Variants in EDA observed in about 807,000 individuals in gnomAD.
The protein encoded by EDA is ectodysplasin A, also known as ectodysplasin-A.
EDA carries 2 observed loss-of-function variants against 23.6 expected under a neutral mutation model. The ratio of observed to expected loss-of-function variants is 0.08; its 90% CI spans 0.03 to 0.27. The LOEUF is 0.27. EDA is among the 10% of genes least tolerant of loss of function. EDA has a pLI of 1.00. For synonymous variants in EDA, 131 were observed against 132.0 expected (o/e 0.99, Z 0.05); for missense variants, 229 against 324.2 (o/e 0.71, Z 2.26).
intron 1 of EDA, among the ~76,000 whole-genome samples, chrX:69,629,583 G>T (rs1255256212): frequency 9.0e-6 from 1 of 111,608 alleles, no homozygotes; most frequent in East Asian, 2.8e-4. Context: ...TGATTGTGAG[G>T]ATTATCATGC....
chrX:69,630,953 A>C (rs1025903175), intron 1 of EDA, among the ~76,000 whole-genome samples: 1 of 111,698 alleles, frequency 9.0e-6, no homozygotes, highest in Non-Finnish European at 1.9e-5. Flanking sequence ...CTTCTAGTTA[A>C]GTTGGTTCAC....
rs1025858080 is a variant in EDA at position 70,036,683 on chromosome X, C to T, written c.*1074C>T. 2 of 112,961 alleles carry T rather than the reference C, an allele frequency of 1.8e-5. No individual in the cohort carries two copies. Among genetic ancestry groups the T allele is most frequent in the African/African-American group, 6.4e-5 (2 of 31,118 alleles). The allele number at this position is 112,961 out of a possible 1,213,427, so 9.3% of individuals were successfully genotyped here. On this transcript the variant is annotated 3_prime_UTR_variant, in exon 8 of 8. Transcript: ENST00000374552. ...GACTCTTAGCCCTCACCACAGCCTTCTAAATTCCCAAATCCTAGACTGCTC... is the reference window on the plus strand; with the variant it reads ...GACTCTTAGCCCTCACCACAGCCTTTTAAATTCCCAAATCCTAGACTGCTC...
chrX:69,907,420 A>C (rs765423715), intron 1 of EDA, among the ~76,000 whole-genome samples: 2 of 111,147 alleles, frequency 1.8e-5, no homozygotes, highest in Non-Finnish European at 3.8e-5. Context: ...TTGAATCCCC[A>C]CCCAAAGGGC....
At chrX:69,714,889 A>G (rs769122259) in intron 1 of EDA, among the ~76,000 whole-genome samples, 11 of 109,963 alleles carry the variant, frequency 1.0e-4, no homozygotes, top group African/African-American at 2.6e-4. Flanking sequence ...GCCTTTCCAT[A>G]TAACTTAAAA....
intron 1 of EDA, among the ~76,000 whole-genome samples, chrX:69,645,616 G>C (rs6525321): frequency 1.8e-5 from 1 of 56,479 alleles, no homozygotes; most frequent in East Asian, 2.3e-3. Context: ...ATATATATAT[G>C]TGTGTGTATA....
intron 1 of EDA, among the ~76,000 whole-genome samples, chrX:69,671,802 G>C (rs1270628829): frequency 8.9e-6 from 1 of 112,100 alleles, no homozygotes; most frequent in Non-Finnish European, 1.9e-5. Flanking sequence ...TTGTTTTTAT[G>C]TGTGTGTGGT....
chrX:69,994,531 G>A (rs1341816090), intron 2 of EDA, among the ~76,000 whole-genome samples: 1 of 111,971 alleles, frequency 8.9e-6, no homozygotes, highest in Non-Finnish European at 1.9e-5. Context: ...TTTATTAATA[G>A]ATCTGAGTTG....
intron 2 of EDA, among the ~76,000 whole-genome samples, chrX:69,967,018 A>C (rs763516956): frequency 1.3e-4 from 14 of 110,071 alleles, no homozygotes; most frequent in Non-Finnish European, 2.1e-4. Flanking sequence ...GGGAAAGGGA[A>C]GCATCAGTGA....
intron 1 of EDA, among the ~76,000 whole-genome samples, chrX:69,806,323 G>C (rs190457665): frequency 8.9e-4 from 99 of 110,998 alleles, no homozygotes; most frequent in Non-Finnish European, 1.4e-3. Context: ...CTATGTTAGG[G>C]CATGCCTGTG....
chrX:69,736,024 A>T (rs1440541399), intron 1 of EDA, among the ~76,000 whole-genome samples: 1 of 107,602 alleles, frequency 9.3e-6, no homozygotes, highest in Non-Finnish European at 1.9e-5. Context: ...AAAAAAAAAT[A>T]GGCTGGGCGT....
intron 1 of EDA, among the ~76,000 whole-genome samples, chrX:69,853,908 C>A (rs755656420): frequency 1.8e-5 from 2 of 111,685 alleles, no homozygotes; most frequent in African/African-American, 6.5e-5. Flanking sequence ...AAAAACAATT[C>A]TTAGCTCAAG....
chrX:69,767,170 A>T (rs1163403886), intron 1 of EDA, among the ~76,000 whole-genome samples: 1 of 111,839 alleles, frequency 8.9e-6, no homozygotes, highest in Non-Finnish European at 1.9e-5. Flanking sequence ...TAACATAATT[A>T]CTAGTAACAT....
intron 2 of EDA, among the ~76,000 whole-genome samples, chrX:69,984,071 A>G (rs1200433970): frequency 5.4e-4 from 46 of 84,440 alleles, no homozygotes; most frequent in African/African-American, 2.1e-3. Flanking sequence ...TTTGAAACCA[A>G]CGAGAACAAA....
At chrX:69,696,974 A>C (rs1433312362) in intron 1 of EDA, among the ~76,000 whole-genome samples, 2 of 112,168 alleles carry the variant, frequency 1.8e-5, no homozygotes, top group Non-Finnish European at 3.8e-5. Flanking sequence ...GTTATCTGCG[A>C]TCAATTGCAG....
chrX:69,690,115 AACAG>A (rs746835835), intron 1 of EDA, among the ~76,000 whole-genome samples: 18 of 110,851 alleles, frequency 1.6e-4, no homozygotes, highest in African/African-American at 3.9e-4. Flanking sequence ...GTTATCTGCA[AACAG>A]AGAGAGTTTT....
intron 1 of EDA, among the ~76,000 whole-genome samples, chrX:69,799,295 T>A (rs777528677): frequency 4.5e-5 from 5 of 111,482 alleles, no homozygotes; most frequent in African/African-American, 9.8e-5. Context: ...TTTTGAGTAA[T>A]GTCCCAGAAG....
rs1268670472 is a variant in EDA, at chrX:69,837,839, G to C, written c.397-119188G>C. ...CAGAGCTGCATGAATTCCAGATATT[G>C]TTCTTCAAATAAGTTCTCAGGGAGA... On this transcript the variant is annotated intron_variant, in intron 1 of 7. Coordinates refer to ENST00000374552, the MANE Select transcript of EDA (RefSeq NM_001399.5). 4.5e-5 allele frequency among the ~76,000 whole-genome samples: 5 copies of C among 112,343 alleles called. No homozygotes were observed. The East Asian group carries it at 1.4e-3, about 31-fold the overall frequency.
chrX:69,826,775 A>C (rs1176201598), intron 1 of EDA, among the ~76,000 whole-genome samples: 1 of 107,103 alleles, frequency 9.3e-6, no homozygotes, highest in Non-Finnish European at 1.9e-5. Context: ...TTGTTAGTTG[A>C]TGCAGTTTCT....
intron 1 of EDA, among the ~76,000 whole-genome samples, chrX:69,952,643 A>G (rs773485435): frequency 1.8e-5 from 2 of 112,042 alleles, no homozygotes; most frequent in South Asian, 3.8e-4. Flanking sequence ...TGAATGTCCC[A>G]TATTCATCAA....
Sources: allele counts gnomAD v4.1 joint callset (sites outside exome capture counted in the v4.1 genomes callset), GRCh38; gene constraint gnomAD v4.1.1; transcripts MANE v1.5; gene names NCBI Gene and HGNC (gene_info 2026-07-23, HGNC 2026-07-21).